AGFG2: variants seen among roughly 807,000 people sequenced by gnomAD.
AGFG2 encodes the protein ArfGAP with FG repeats 2.
AGFG2 carries 31 observed loss-of-function variants against 48.0 expected under a neutral mutation model. The ratio of observed to expected loss-of-function variants is 0.65; its 90% CI spans 0.49 to 0.87. AGFG2 has a LOEUF of 0.87. Among genes scored for constraint, AGFG2 ranks in the 40% least tolerant of loss-of-function variants. AGFG2 has a pLI of 0.00. For missense variants in AGFG2, 599 were observed against 632.6 expected (o/e 0.95, Z 0.57); for synonymous variants, 229 against 260.8 (o/e 0.88, Z 1.18).
At chr7:100,543,541 G>A (rs1487333525) in intron 1 of AGFG2, among the ~76,000 whole-genome samples, 1 of 152,134 alleles carries the variant, frequency 6.6e-6, no homozygotes, top group Non-Finnish European at 1.5e-5. Flanking sequence ...GTCGTCTGGG[G>A]GCAGTGAGCA....
chr7:100,563,045 G>GCGT, intron 9 of AGFG2, 99 bp downstream of exon 9: 1 of 1,241,022 alleles, frequency 8.1e-7, no homozygotes, highest in Non-Finnish European at 1.1e-6. Flanking sequence ...CACGCTGTCA[G>GCGT]GAGAAGCAGA....
At chr7:100,544,741 C>CGG (rs1223129584) in intron 1 of AGFG2, among the ~76,000 whole-genome samples, 33 of 8,360 alleles carry the variant, frequency 3.9e-3, no homozygotes, top group African/African-American at 0.014. Context: ...GGGTGGTGGG[C>CGG]GGGGGGGTGG....
intron 3 of AGFG2, 135 bp from the exon 4 acceptor site, chr7:100,553,212 G>A (rs939278391): frequency 3.7e-5 from 42 of 1,150,056 alleles, no homozygotes; most frequent in East Asian, 2.4e-4. Flanking sequence ...TAAGTTGCTC[G>A]GTTCCCTTCA....
rs1451833606 is a variant in AGFG2, at chr7:100,565,946, A to G, written c.*955A>G. 6.7e-6 allele frequency: 1 copy of G among 150,328 alleles called. No individual in the cohort carries two copies. The highest frequency in any genetic ancestry group is 2.5e-5 in the African/African-American group (1 of 40,540). 9.3% of individuals were successfully genotyped at this position (150,328 alleles called of 1,614,324 possible). ...CCCTGTCCCCAAATCTCTGCACCAA[A>G]GCTCATTGCAGGCAATGTTGGAAAA... On this transcript the variant is annotated 3_prime_UTR_variant, in exon 12 of 12. Coordinates refer to ENST00000300176, the MANE Select transcript of AGFG2 (RefSeq NM_006076.5).
intron 5 of AGFG2, 32 bp downstream of exon 5, chr7:100,554,290 CA>C (rs939729967): frequency 1.3e-6 from 2 of 1,595,682 alleles, no homozygotes; most frequent in African/African-American, 2.7e-5. Context: ...ACCCTCCCTA[CA>C]GCGTATATGC....
rs769367714 is a variant in AGFG2 at position 100,562,398 on chromosome 7, C to A, written c.998+19C>A. ...CTAGCAGGTAGGTACAGACAGTGGG[C>A]AGTCTGCTGTAGGGCAGGAGAGCCG... On this transcript the variant is annotated intron_variant, in intron 7 of 11. Coordinates refer to ENST00000300176, the MANE Select transcript of AGFG2 (RefSeq NM_006076.5). This position sits in a 1 kb window ranked among gnomAD's most constrained non-coding sequence, Gnocchi z 5.4. 6.2e-7 allele frequency: 1 copy of A among 1,612,712 alleles called. No homozygotes were observed. The highest frequency in any genetic ancestry group is 8.5e-7 in the Non-Finnish European group (1 of 1,179,272).
rs910688787 is a variant in AGFG2, at chr7:100,565,547, C to T, written c.*556C>T. ...GCGCCCAGGATGAGCGGTTTACCATCGAGCTTACCCGGGCCCGGCTCCTGT... is the reference window on the plus strand; with the variant it reads ...GCGCCCAGGATGAGCGGTTTACCATTGAGCTTACCCGGGCCCGGCTCCTGT... On this transcript the variant is annotated 3_prime_UTR_variant, in exon 12 of 12. Transcript: ENST00000300176. 2 of 153,732 alleles carry T rather than the reference C, an allele frequency of 1.3e-5. No individual in the cohort carries two copies. Among genetic ancestry groups the T allele is most frequent in the African/African-American group, 4.8e-5 (2 of 41,436 alleles). 9.5% of individuals were successfully genotyped at this position (153,732 alleles called of 1,614,324 possible).
At chr7:100,542,259 G>A (rs1446428787) in intron 1 of AGFG2, among the ~76,000 whole-genome samples, 3 of 152,108 alleles carry the variant, frequency 2.0e-5, no homozygotes, top group Non-Finnish European at 2.9e-5. Flanking sequence ...CAAGTGATCC[G>A]CCCGCCTCGC....
At chr7:100,553,248 G>A (rs1043530466) in intron 3 of AGFG2, 99 bp from the exon 4 acceptor site, 2 of 1,432,354 alleles carry the variant, frequency 1.4e-6, no homozygotes, top group Admixed American at 1.9e-5. Context: ...AGAGAAAAAT[G>A]AGCATAGATT....
chr7:100,551,057 TATATATATATTTC>T (rs1800627769), intron 3 of AGFG2, among the ~76,000 whole-genome samples: 2 of 113,604 alleles, frequency 1.8e-5, no homozygotes, highest in African/African-American at 3.7e-5. Context: ...TATATATATA[TATATATATATTTC>T]TTTTTTTTTT....
intron 6 of AGFG2, among the ~76,000 whole-genome samples, chr7:100,556,783 G>C (rs1258128142): frequency 6.6e-6 from 1 of 152,222 alleles, no homozygotes; most frequent in East Asian, 1.9e-4. Flanking sequence ...GCTGAGACCA[G>C]AGCCCAGACT....
intron 9 of AGFG2, among the ~76,000 whole-genome samples, chr7:100,563,360 T>A (rs1181917272): frequency 6.6e-6 from 1 of 152,190 alleles, no homozygotes; most frequent in Non-Finnish European, 1.5e-5. Context: ...CCCCAGCCTC[T>A]GCTGCTCTCC....
chr7:100,544,009 T>TA (rs1263817018), intron 1 of AGFG2, among the ~76,000 whole-genome samples: 2 of 152,244 alleles, frequency 1.3e-5, no homozygotes, highest in African/African-American at 4.8e-5. Flanking sequence ...TAAGACGTGG[T>TA]AAAAATTGCT....
rs538215057 is a variant in AGFG2 at position 100,549,316 on chromosome 7, A to C, written c.315+401A>C. ...CATATCTTGTACTGGAAAGTGACTT[A>C]AACCCCTTCCCTAGCTAAATCTGCC... On this transcript the variant is annotated intron_variant, in intron 2 of 11. Transcript: ENST00000300176. Among the ~76,000 whole-genome samples the C allele has an allele frequency of 7.2e-5, 11 of 152,280 alleles. No homozygotes were observed. The South Asian group carries it at 2.3e-3, about 32-fold the overall frequency.
Position 100,539,368 on chromosome 7 carries a change from G to A in AGFG2, c.22G>A (p.Gly8Ser), listed in dbSNP as rs1486073318. MVMAAKKGPGPGGGVSGG... is the reference protein window; with the variant it reads MVMAAKKSPGPGGGVSGG... ...AGCGATGGTGATGGCGGCGAAGAAG[G>A]GCCCGGGCCCGGGCGGCGGGGTCAG... Residue 8 changes from glycine (G) to serine (S), a missense_variant, in exon 1 of 12, where the codon GGC (glycine) becomes AGC (serine). Physicochemically the swap from Gly to Ser is moderately conservative, Grantham distance 56. Transcript: ENST00000300176. 1 of 1,272,348 alleles carries A rather than the reference G, an allele frequency of 7.9e-7. No individual in the cohort carries two copies. Among genetic ancestry groups the A allele is most frequent in the Non-Finnish European group, 9.9e-7 (1 of 1,005,526 alleles). The allele number at this position is 1,272,348 out of a possible 1,614,324, so 78.8% of individuals were successfully genotyped here. A position where few individuals can be genotyped will look rare whatever the true frequency, so the allele number is the denominator to read the frequency against.
chr7:100,542,339 A>G (rs1331116715), intron 1 of AGFG2, among the ~76,000 whole-genome samples: 3 of 152,216 alleles, frequency 2.0e-5, no homozygotes, highest in Non-Finnish European at 4.4e-5. Context: ...GTAAAGCATT[A>G]TGAGACTAAA....
intron 3 of AGFG2, among the ~76,000 whole-genome samples, chr7:100,553,137 C>T (rs763052184): frequency 6.6e-6 from 1 of 152,070 alleles, no homozygotes; most frequent in Non-Finnish European, 1.5e-5. Flanking sequence ...TGGGCAACAG[C>T]GAGACCCTGT....
chr7:100,552,417 T>C (rs1368902086), intron 3 of AGFG2, among the ~76,000 whole-genome samples: 2 of 152,190 alleles, frequency 1.3e-5, no homozygotes, highest in African/African-American at 4.8e-5. Context: ...GAGTGTCCCG[T>C]CCTCTGATTA....
chr7:100,563,161 C>T (rs996514909), intron 9 of AGFG2, among the ~76,000 whole-genome samples: 8 of 152,214 alleles, frequency 5.3e-5, no homozygotes, highest in Non-Finnish European at 8.8e-5. Context: ...TACCGGAGAC[C>T]GCACTGAAGA....
Sources: gnomAD v4.1 joint callset for allele counts (sites outside exome capture counted in the v4.1 genomes callset) on GRCh38, gnomAD v4.1.1 for gene constraint, Gnocchi (gnomAD v3.1) non-coding constraint, MANE v1.5 for transcripts, NCBI Gene and HGNC (gene_info 2026-07-23, HGNC 2026-07-21) for gene names.